The following SDK1 variants were observed in gnomAD, a reference collection of about 807,000 sequenced individuals.
SDK1 encodes the protein sidekick cell adhesion molecule 1.
A neutral mutation model predicts 245.5 loss-of-function variants in SDK1; 157 were observed. That is an observed-to-expected ratio of 0.64 (90% CI 0.56 to 0.73). The LOEUF (loss-of-function observed/expected upper bound fraction) is 0.73, where lower values mean the gene tolerates loss of function less well. Ranked by LOEUF, SDK1 falls within the 30% of genes least tolerant of loss-of-function variation. The pLI is 0.00. For synonymous variants in SDK1, 1,647 were observed against 1,278.5 expected (o/e 1.29, Z -6.15); for missense variants, 3,583 against 3,002.3 (o/e 1.19, Z -4.52).
At position 4,244,625 on chromosome 7, in the gene SDK1, T is replaced by C. The variant is rs1201007306; in HGVS notation, c.6252-1051T>C. Among the ~76,000 whole-genome samples the C allele has an allele frequency of 2.0e-5, 3 of 152,198 alleles. No individual in the cohort carries two copies. In the East Asian group the frequency reaches 5.8e-4, roughly 29 times the overall value. On this transcript the variant is annotated intron_variant, in intron 43 of 44. Coordinates refer to ENST00000404826, the MANE Select transcript of SDK1 (RefSeq NM_152744.4). ...TCAGCAGCTTAAACCAACACCCATT[T>C]AGCACCACGCGGTCTCCCTGGGGCA...
At chr7:4,130,938 G>A (rs1343527041) in intron 27 of SDK1, among the ~76,000 whole-genome samples, 1 of 152,102 alleles carries the variant, frequency 6.6e-6, no homozygotes, top group Non-Finnish European at 1.5e-5. Flanking sequence ...CCTCTTAACT[G>A]CTGAGTGGAA....
intron 4 of SDK1, among the ~76,000 whole-genome samples, chr7:3,707,783 C>G (rs1214444131): frequency 2.6e-5 from 4 of 152,152 alleles, no homozygotes; most frequent in Admixed American, 6.5e-5. Context: ...TGGATTCATC[C>G]TCTTATCATT....
At chr7:3,665,357 C>T (rs1458585085) in intron 4 of SDK1, among the ~76,000 whole-genome samples, 1 of 152,202 alleles carries the variant, frequency 6.6e-6, no homozygotes, top group African/African-American at 2.4e-5. Context: ...AGAAAACTTG[C>T]ATGAATCTAC....
chr7:3,316,757 C>A (rs1779673002), intron 1 of SDK1, among the ~76,000 whole-genome samples: 1 of 152,086 alleles, frequency 6.6e-6, no homozygotes, highest in Non-Finnish European at 1.5e-5. Flanking sequence ...CTGGTTCTTG[C>A]CCATCCCGAG....
intron 4 of SDK1, among the ~76,000 whole-genome samples, chr7:3,686,575 A>G (rs902220425): frequency 6.6e-6 from 1 of 152,188 alleles, no homozygotes; most frequent in African/African-American, 2.4e-5. Flanking sequence ...AGAATTTGGC[A>G]GTTTTTCATA....
At chr7:3,701,480 G>T (rs1784737724) in intron 4 of SDK1, among the ~76,000 whole-genome samples, 2 of 152,180 alleles carry the variant, frequency 1.3e-5, no homozygotes, top group African/African-American at 4.8e-5. Context: ...CGTGCCTGTA[G>T]TCCCAGCTAC....
chr7:4,009,325 G>A (rs1785753437), intron 14 of SDK1, among the ~76,000 whole-genome samples: 1 of 152,222 alleles, frequency 6.6e-6, no homozygotes, highest in South Asian at 2.1e-4. Flanking sequence ...ACCGAGTCTG[G>A]TTGCCCTGAT....
In SDK1 at chr7:3,577,723, GA is replaced by G. The variant is rs140435741; in HGVS notation, c.299-41355del. On this transcript the variant is annotated intron_variant, in intron 1 of 44. Transcript: ENST00000404826. ...AACTGAGCCCTTGAAGTGCTGTGAG[GA>G]AGGCATTTTCTGTGTTAGTAACGAG... is the stretch of plus-strand genomic sequence containing the variant. Among the ~76,000 whole-genome samples the G allele has an allele frequency of 1.0e-3, 153 of 152,166 alleles. 1 individual carries two copies. In the East Asian group the frequency reaches 0.027, roughly 27 times the overall value.
intron 4 of SDK1, among the ~76,000 whole-genome samples, chr7:3,663,578 A>T (rs1170671767): frequency 6.6e-6 from 1 of 152,126 alleles, no homozygotes; most frequent in Non-Finnish European, 1.5e-5. Context: ...ATGTGGCCAG[A>T]GAGGGGGACA....
chr7:3,765,020 A>G (rs58035388), intron 4 of SDK1, among the ~76,000 whole-genome samples: 4,292 of 152,262 alleles, frequency 0.028, 197 homozygotes, highest in African/African-American at 0.1. Context: ...AAAATGTAAT[A>G]TGGTAAGTGT....
intron 1 of SDK1, among the ~76,000 whole-genome samples, chr7:3,575,051 C>T (rs1349937029): frequency 6.6e-6 from 1 of 152,000 alleles, no homozygotes; most frequent in Non-Finnish European, 1.5e-5. Context: ...AGAATGCCTC[C>T]TTTGCCTCTT....
chr7:4,007,685 A>G (rs1785593395), intron 14 of SDK1, among the ~76,000 whole-genome samples: 1 of 151,546 alleles, frequency 6.6e-6, no homozygotes, highest in Admixed American at 6.6e-5. Context: ...ACTCCCTACA[A>G]CCTCCGCCTC....
intron 1 of SDK1, among the ~76,000 whole-genome samples, chr7:3,404,290 T>G (rs1036695068): frequency 6.6e-5 from 10 of 152,282 alleles, no homozygotes; most frequent in African/African-American, 2.4e-4. Context: ...TATATATGTT[T>G]CTGTGTATAT....
chr7:4,025,457 C>A (rs948760329), intron 17 of SDK1, among the ~76,000 whole-genome samples: 1 of 152,170 alleles, frequency 6.6e-6, no homozygotes, highest in African/African-American at 2.4e-5. Flanking sequence ...TGCAGATCAC[C>A]TCTGTGCACA....
rs562120180 is a variant in SDK1 at position 3,713,730 on chromosome 7, G to A, written c.713+71625G>A. ...GGACTAGAGATTTCATGTGGAGAAT[G>A]TACTCCCTTCAAAAGGAAAACCATT... On this transcript the variant is annotated intron_variant, in intron 4 of 44. Coordinates refer to ENST00000404826, the MANE Select transcript of SDK1 (RefSeq NM_152744.4). Among the ~76,000 whole-genome samples the A allele has an allele frequency of 1.0e-3, 152 of 152,292 alleles. 1 individual carries two copies. Among genetic ancestry groups the A allele is most frequent in the African/African-American group, 3.6e-3 (150 of 41,572 alleles).
intron 35 of SDK1, among the ~76,000 whole-genome samples, chr7:4,203,330 C>T (rs1784000863): frequency 6.6e-6 from 1 of 152,118 alleles, no homozygotes; most frequent in African/African-American, 2.4e-5. Flanking sequence ...GGCCCCCTGG[C>T]GAGGGTACAG....
chr7:3,979,997 A>G (rs780870299), intron 13 of SDK1, among the ~76,000 whole-genome samples: 1 of 152,176 alleles, frequency 6.6e-6, no homozygotes, highest in Non-Finnish European at 1.5e-5. Flanking sequence ...CTATAAAACC[A>G]GTTCTGACAG....
chr7:4,082,534 CAAA>C (rs1300321399), intron 22 of SDK1, among the ~76,000 whole-genome samples: 14 of 108,740 alleles, frequency 1.3e-4, no homozygotes, highest in Admixed American at 9.9e-5. Flanking sequence ...GATTCTGTCT[CAAA>C]AAAAAAAAAA....
chr7:3,363,901 T>C (rs1290585862), intron 1 of SDK1, among the ~76,000 whole-genome samples: 1 of 152,236 alleles, frequency 6.6e-6, no homozygotes, highest in Non-Finnish European at 1.5e-5. Flanking sequence ...AGTGTTATAC[T>C]ATTTTACGTT....
Sources: gnomAD v4.1 joint callset for allele counts (sites outside exome capture counted in the v4.1 genomes callset) on GRCh38, gnomAD v4.1.1 for gene constraint, MANE v1.5 for transcripts, NCBI Gene and HGNC (gene_info 2026-07-23, HGNC 2026-07-21) for gene names.